The following ASS1 variants were observed in gnomAD, a reference collection of about 807,000 sequenced individuals.
The protein encoded by ASS1 is argininosuccinate synthase 1, also known as argininosuccinate synthase.
In ASS1, 58 loss-of-function variants were observed where a neutral mutation model predicts 60.5. The observed-to-expected ratio is 0.96, with a 90% CI of 0.78 to 1.19. The LOEUF (loss-of-function observed/expected upper bound fraction) is 1.19. Ranked by LOEUF, ASS1 falls within the 50% of genes most tolerant of loss-of-function variation. The probability of loss-of-function intolerance (pLI) is 0.00; values close to 1 mark genes in which losing one functional copy is unlikely to be tolerated. For missense variants in ASS1, 454 were observed against 547.3 expected (o/e 0.83, Z 1.70); for synonymous variants, 200 against 206.9 (o/e 0.97, Z 0.29).
intron 14 of ASS1, 57 bp downstream of exon 14, chr9:130,499,627 T>G (rs1846692737): frequency 4.6e-6 from 7 of 1,537,180 alleles, no homozygotes; most frequent in East Asian, 2.3e-5. Context: ...AAGGGTAGGC[T>G]TTGAGAGCCC....
Position 130,489,243 on chromosome 9 carries a change from T to C in ASS1, c.839-90T>C. The C allele has an allele frequency of 7.0e-7, 1 of 1,422,446 alleles. No individual in the cohort carries two copies. The highest frequency in any genetic ancestry group is 1.2e-5 in the South Asian group (1 of 83,838). 88.1% of individuals were successfully genotyped at this position (1,422,446 alleles called of 1,614,324 possible). A position where few individuals can be genotyped will look rare whatever the true frequency, so the allele number is the denominator to read the frequency against. ...CCTGTCAGACGACTCATTATTATTA[T>C]TATTTTTTTTTTTGTCATTTGCTGA... On this transcript the variant is annotated intron_variant, in intron 11 of 14. Transcript: ENST00000352480. This position sits in a 1 kb window ranked among gnomAD's most constrained non-coding sequence, Gnocchi z 4.1.
intron 14 of ASS1, among the ~76,000 whole-genome samples, chr9:130,499,874 C>G (rs1223631071): frequency 6.6e-6 from 1 of 152,192 alleles, no homozygotes; most frequent in Non-Finnish European, 1.5e-5. Flanking sequence ...CCACTATGAG[C>G]TCCTTTGCAG....
At chr9:130,495,462 C>CAT (rs1243973940) in intron 13 of ASS1, among the ~76,000 whole-genome samples, 1 of 107,178 alleles carries the variant, frequency 9.3e-6, no homozygotes, top group Non-Finnish European at 2.0e-5. Flanking sequence ...TATATATATA[C>CAT]ACATACATAT....
rs2131887129 is a variant in ASS1 at position 130,471,496 on chromosome 9, G to C, written c.578G>C (p.Gly193Ala). ...TTTCCCCTCCGCAGCTACGAGGCTGGAATCCTGGAGAACCCCAAGGTAATC... is the reference window on the plus strand; with the variant it reads ...TTTCCCCTCCGCAGCTACGAGGCTGCAATCCTGGAGAACCCCAAGGTAATC... ...ENLMHISYEA[G>A]ILENPKNQAP... Residue 193 changes from glycine to alanine, a missense_variant, in exon 8 of 15, where the codon GGA (glycine) becomes GCA (alanine). Gly to Ala is a moderately conservative substitution (Grantham distance 60). Transcript: ENST00000352480. The C allele has an allele frequency of 6.2e-7, 1 of 1,614,108 alleles. No individual in the cohort carries two copies. The highest frequency in any genetic ancestry group is 1.3e-5 in the African/African-American group (1 of 75,044).
intron 12 of ASS1, among the ~76,000 whole-genome samples, chr9:130,492,571 G>A (rs1366930446): frequency 2.6e-5 from 4 of 152,194 alleles, no homozygotes; most frequent in Non-Finnish European, 5.9e-5. Context: ...ACTGTCTCCA[G>A]GAGTGGCAAC....
At chr9:130,467,152 G>A (rs1588483708) in intron 6 of ASS1, among the ~76,000 whole-genome samples, 1 of 151,958 alleles carries the variant, frequency 6.6e-6, no homozygotes, top group Admixed American at 6.6e-5. Flanking sequence ...GTGTCACTTG[G>A]GGGGATGGCT....
chr9:130,458,366 G>A (rs918221537), intron 3 of ASS1, 35 bp from the exon 4 acceptor site: 9 of 1,611,634 alleles, frequency 5.6e-6, no homozygotes, highest in Non-Finnish European at 7.6e-6. Flanking sequence ...CCCTGTCCTT[G>A]CCTACTTCTT....
At chr9:130,480,583 C>T (rs932974643) in intron 11 of ASS1, 134 bp downstream of exon 11, 16 of 901,008 alleles carry the variant, frequency 1.8e-5, no homozygotes, top group Non-Finnish European at 2.8e-5. Flanking sequence ...TTCACCACAC[C>T]CCGTGAGACC....
rs73657387 is a variant in ASS1, at chr9:130,461,278, G to T, written c.363+2689G>T. 1.9e-3 allele frequency among the ~76,000 whole-genome samples: 292 copies of T among 152,206 alleles called. 1 individual carries two copies. Among genetic ancestry groups the T allele is most frequent in the African/African-American group, 6.6e-3 (273 of 41,532 alleles). On this transcript the variant is annotated intron_variant, in intron 4 of 14. Coordinates refer to ENST00000352480, the MANE Select transcript of ASS1 (RefSeq NM_054012.4). ...GGGTCCATGCGGAGACCCCCACCCCGGACCAGCCCACATTTAGCCTGCAAC... is the reference window on the plus strand; with the variant it reads ...GGGTCCATGCGGAGACCCCCACCCCTGACCAGCCCACATTTAGCCTGCAAC...
At chr9:130,461,247 G>T (rs1246633216) in intron 4 of ASS1, among the ~76,000 whole-genome samples, 1 of 145,024 alleles carries the variant, frequency 6.9e-6, no homozygotes, top group Non-Finnish European at 1.5e-5. Flanking sequence ...GGCTCAGGCA[G>T]TTCCCGGGTC....
At chr9:130,484,317 C>G (rs1348734794) in intron 11 of ASS1, among the ~76,000 whole-genome samples, 1 of 152,210 alleles carries the variant, frequency 6.6e-6, no homozygotes, top group African/African-American at 2.4e-5. Flanking sequence ...TTCTGCCTAA[C>G]CTGGCAGCCT....
intron 4 of ASS1, 26 bp downstream of exon 4, chr9:130,458,615 A>C (rs766412188): frequency 5.3e-5 from 85 of 1,607,868 alleles, no homozygotes; most frequent in Non-Finnish European, 7.1e-5. Flanking sequence ...AGGGCCGGGC[A>C]GAGGGAGATG....
At chr9:130,449,555 C>A (rs144658029) in intron 1 of ASS1, among the ~76,000 whole-genome samples, 1 of 152,144 alleles carries the variant, frequency 6.6e-6, no homozygotes, top group Non-Finnish European at 1.5e-5. Context: ...CATCAGATCA[C>A]ACTTGCCCAG....
intron 11 of ASS1, among the ~76,000 whole-genome samples, chr9:130,486,215 C>T (rs537011080): frequency 1.3e-5 from 2 of 152,244 alleles, no homozygotes; most frequent in East Asian, 1.9e-4. Flanking sequence ...CCCACCTTGG[C>T]GTAGTAGCTA....
intron 1 of ASS1, among the ~76,000 whole-genome samples, chr9:130,446,479 T>C (rs969750651): frequency 9.2e-5 from 14 of 152,258 alleles, no homozygotes; most frequent in Admixed American, 9.1e-4. Context: ...CTGTGCACCA[T>C]GCTGAGAAGT....
chr9:130,468,272 C>T (rs590086), intron 6 of ASS1, among the ~76,000 whole-genome samples: 114,183 of 152,158 alleles, frequency 0.75, 48,300 homozygotes, highest in East Asian at 1. Flanking sequence ...GCTTTCAAGA[C>T]GCTTCGGTAG....
intron 8 of ASS1, among the ~76,000 whole-genome samples, chr9:130,475,834 G>A (rs1274426035): frequency 2.7e-5 from 4 of 148,246 alleles, no homozygotes; most frequent in Non-Finnish European, 5.9e-5. Context: ...TCGGCTCACT[G>A]CAACCTCCGC....
chr9:130,472,745 A>G (rs1049896179), intron 8 of ASS1, among the ~76,000 whole-genome samples: 26 of 152,200 alleles, frequency 1.7e-4, no homozygotes, highest in African/African-American at 6.3e-4. Context: ...CAGGCCAGCC[A>G]CCCTAATTAG....
rs929162069 is a variant in ASS1 at position 130,489,247 on chromosome 9, T to TA, written c.839-86_839-85insA. On this transcript the variant is annotated intron_variant, in intron 11 of 14. Coordinates refer to ENST00000352480, the MANE Select transcript of ASS1 (RefSeq NM_054012.4). The surrounding 1 kb of genome is among the most constrained non-coding windows in gnomAD (Gnocchi z 4.1). ...TCAGACGACTCATTATTATTATTAT[T>TA]TTTTTTTTTGTCATTTGCTGACAGT... 32 of 1,530,718 alleles carry TA rather than the reference T, an allele frequency of 2.1e-5. No homozygotes were observed. Among genetic ancestry groups the TA allele is most frequent in the Middle Eastern group, 2.4e-4 (1 of 4,252 alleles). The allele number at this position is 1,530,718 out of a possible 1,614,324, so 94.8% of individuals were successfully genotyped here.
Sources: gnomAD v4.1 joint callset for allele counts (sites outside exome capture counted in the v4.1 genomes callset) on GRCh38, gnomAD v4.1.1 for gene constraint, Gnocchi (gnomAD v3.1) non-coding constraint, MANE v1.5 for transcripts, NCBI Gene and HGNC (gene_info 2026-07-23, HGNC 2026-07-21) for gene names.